DPP6: variants seen among roughly 807,000 people sequenced by gnomAD.
DPP6 encodes A-type potassium channel modulatory protein DPP6.
In DPP6, 69 loss-of-function variants were observed where a neutral mutation model predicts 122.6. The observed-to-expected ratio is 0.56, with a 90% CI of 0.46 to 0.69. The LOEUF (loss-of-function observed/expected upper bound fraction) is 0.69. Among genes scored for constraint, DPP6 ranks in the 30% least tolerant of loss-of-function variants. The probability of loss-of-function intolerance (pLI) is 0.00; values close to 1 mark genes in which losing one functional copy is unlikely to be tolerated. For synonymous variants in DPP6, 418 were observed against 433.1 expected, an observed-to-expected ratio of 0.97 and a Z score of 0.43; for missense variants, 928 against 1,116.9, an observed-to-expected ratio of 0.83 and a Z score of 2.41.
At chr7:154,175,105 T>G (rs1353021229) in intron 1 of DPP6, among the ~76,000 whole-genome samples, 1 of 152,016 alleles carries the variant, frequency 6.6e-6, no homozygotes, top group East Asian at 1.9e-4. Flanking sequence ...ATTTCCCAAC[T>G]AGCATGTCTT....
intron 1 of DPP6, among the ~76,000 whole-genome samples, chr7:154,334,476 G>A (rs1014602800): frequency 6.6e-6 from 1 of 152,210 alleles, no homozygotes; most frequent in Non-Finnish European, 1.5e-5. Flanking sequence ...GCCATCAATG[G>A]CAAGCGGCAC....
chr7:154,503,951 T>G (rs542156731), intron 3 of DPP6, among the ~76,000 whole-genome samples: 4 of 152,170 alleles, frequency 2.6e-5, no homozygotes, highest in Non-Finnish European at 5.9e-5. Context: ...ACCCTGAAAC[T>G]TAAAAGTTGA....
At chr7:154,527,587 AAAAG>A (rs1358320529) in intron 3 of DPP6, among the ~76,000 whole-genome samples, 4 of 152,378 alleles carry the variant, frequency 2.6e-5, no homozygotes, top group Admixed American at 6.5e-5. Flanking sequence ...ATTTAAAACT[AAAAG>A]AAGATGATAG....
At chr7:154,215,755 G>T (rs1799962433) in intron 1 of DPP6, among the ~76,000 whole-genome samples, 1 of 151,942 alleles carries the variant, frequency 6.6e-6, no homozygotes, top group African/African-American at 2.4e-5. Flanking sequence ...TCCCCAAATA[G>T]TTTACTTGCA....
At chr7:154,495,057 A>G (rs1190810748) in intron 3 of DPP6, among the ~76,000 whole-genome samples, 1 of 152,256 alleles carries the variant, frequency 6.6e-6, no homozygotes, top group Non-Finnish European at 1.5e-5. Context: ...ATTGCCATGT[A>G]GAGGCGTCTG....
At chr7:154,789,542 T>C (rs1176199541) in intron 10 of DPP6, among the ~76,000 whole-genome samples, 2 of 152,228 alleles carry the variant, frequency 1.3e-5, no homozygotes, top group Non-Finnish European at 2.9e-5. Context: ...TCATTTCTAA[T>C]GGCATTGTGA....
chr7:154,521,882 C>T (rs1032180792), intron 3 of DPP6, among the ~76,000 whole-genome samples: 1 of 152,186 alleles, frequency 6.6e-6, no homozygotes, highest in Non-Finnish European at 1.5e-5. Context: ...AAGCAAATGC[C>T]TCCTAATAAC....
intron 16 of DPP6, among the ~76,000 whole-genome samples, chr7:154,812,054 G>A (rs770628690): frequency 5.9e-5 from 9 of 152,172 alleles, no homozygotes; most frequent in Non-Finnish European, 1.2e-4. Context: ...ACACAGGGAG[G>A]GAAGTGTAAG....
intron 1 of DPP6, among the ~76,000 whole-genome samples, chr7:153,937,133 C>T (rs1266332036): frequency 1.3e-5 from 2 of 152,142 alleles, no homozygotes; most frequent in Non-Finnish European, 2.9e-5. Context: ...ATGAGGAGAA[C>T]CCCTTGACTC....
At chr7:154,043,960 T>C (rs1799894393) in intron 1 of DPP6, among the ~76,000 whole-genome samples, 2 of 146,444 alleles carry the variant, frequency 1.4e-5, no homozygotes, top group Admixed American at 1.4e-4. Flanking sequence ...GTGATGATTA[T>C]GGGTGCGCTG....
chr7:154,449,569 T>C (rs1369345027), intron 2 of DPP6, among the ~76,000 whole-genome samples: 2 of 152,304 alleles, frequency 1.3e-5, no homozygotes, highest in Admixed American at 1.3e-4. Flanking sequence ...TATTACCTAG[T>C]AATTCTACTC....
chr7:154,279,912 C>T (rs978337514), intron 1 of DPP6, among the ~76,000 whole-genome samples: 5 of 152,016 alleles, frequency 3.3e-5, no homozygotes, highest in African/African-American at 1.2e-4. Context: ...GTTTTTTTAC[C>T]CATTGAGATA....
chr7:154,881,348 G>C (rs1299227110), intron 21 of DPP6, among the ~76,000 whole-genome samples: 1 of 152,218 alleles, frequency 6.6e-6, no homozygotes, highest in Non-Finnish European at 1.5e-5. Context: ...CACAGGTGTG[G>C]GGAGGGTCGC....
Position 153,920,563 on chromosome 7 carries a change from C to CTT in DPP6, c.51+32845_51+32846dup, listed in dbSNP as rs61553100. Among the ~76,000 whole-genome samples, 367 of 88,672 alleles carry CTT rather than the reference C, an allele frequency of 4.1e-3. 23 individuals are homozygous for CTT. Among genetic ancestry groups the CTT allele is most frequent in the African/African-American group, 0.016 (345 of 21,598 alleles). The allele number at this position is 88,672 out of a possible 152,430, so 58.2% of individuals were successfully genotyped here. A position where few individuals can be genotyped will look rare whatever the true frequency, so the allele number is the denominator to read the frequency against. ...GTCAACCTTTTTCTTTTATCTCTCT[C>CTT]TTTTTTTTTTTTTTTTTGAGATGGA... On this transcript the variant is annotated intron_variant, in intron 1 of 25. Transcript: ENST00000404039.
chr7:154,252,104 C>T (rs571147620), intron 1 of DPP6, among the ~76,000 whole-genome samples: 2 of 152,292 alleles, frequency 1.3e-5, no homozygotes, highest in East Asian at 3.9e-4. Context: ...CTCATTCTTG[C>T]ATAAAAATGA....
At chr7:154,230,213 A>G (rs4520078) in intron 1 of DPP6, among the ~76,000 whole-genome samples, 147 of 152,256 alleles carry the variant, frequency 9.7e-4, no homozygotes, top group African/African-American at 3.4e-3. Context: ...CACGAAGCAC[A>G]TGGAAAATTC....
chr7:154,690,423 T>G (rs141085577), intron 7 of DPP6, among the ~76,000 whole-genome samples: 3 of 152,264 alleles, frequency 2.0e-5, no homozygotes, highest in African/African-American at 7.2e-5. Context: ...ACTCAAGATC[T>G]GACTTTGTAG....
intron 1 of DPP6, among the ~76,000 whole-genome samples, chr7:154,043,362 C>T (rs1259264713): frequency 9.0e-6 from 1 of 110,970 alleles, no homozygotes; most frequent in Non-Finnish European, 1.7e-5. Context: ...CATTGCACTC[C>T]AGCCTGGGTA....
chr7:154,518,106 G>A (rs543290984), intron 3 of DPP6, among the ~76,000 whole-genome samples: 11 of 152,292 alleles, frequency 7.2e-5, no homozygotes, highest in East Asian at 3.9e-4. Flanking sequence ...GTCTTGTACC[G>A]CAGAAGACCT....
Sources: gnomAD v4.1 joint callset for allele counts (sites outside exome capture counted in the v4.1 genomes callset) on GRCh38, gnomAD v4.1.1 for gene constraint, MANE v1.5 for transcripts, NCBI Gene and HGNC (gene_info 2026-07-23, HGNC 2026-07-21) for gene names.